EFCAB6: variants seen among roughly 807,000 people sequenced by gnomAD.
EFCAB6 encodes the protein EF-hand calcium-binding domain-containing protein 6.
In EFCAB6, 156 loss-of-function variants were observed where a neutral mutation model predicts 169.8. The ratio of observed to expected loss-of-function variants is 0.92; its 90% CI spans 0.81 to 1.05. EFCAB6 has a LOEUF of 1.05. EFCAB6 is among the 50% of genes least tolerant of loss of function. EFCAB6 has a pLI of 0.00. For synonymous variants in EFCAB6, 698 were observed against 676.4 expected, an observed-to-expected ratio of 1.03 and a Z score of -0.50; for missense variants, 1,800 against 1,829.1, an observed-to-expected ratio of 0.98 and a Z score of 0.29.
intron 8 of EFCAB6, among the ~76,000 whole-genome samples, chr22:43,720,404 C>T (rs185203824): frequency 5.1e-4 from 78 of 151,518 alleles, no homozygotes; most frequent in African/African-American, 1.8e-3. Flanking sequence ...CCAAGCTACT[C>T]GGGAGGCTGA....
At chr22:43,643,968 C>T (rs137743) in intron 17 of EFCAB6, among the ~76,000 whole-genome samples, 16,680 of 151,876 alleles carry the variant, frequency 0.11, 973 homozygotes, top group Admixed American at 0.13. Flanking sequence ...GGACTACAGG[C>T]GCCCACCATG....
At chr22:43,764,197 T>C (rs2147921204) in intron 5 of EFCAB6, among the ~76,000 whole-genome samples, 1 of 152,266 alleles carries the variant, frequency 6.6e-6, no homozygotes, top group South Asian at 2.1e-4. Context: ...TTTCAGCCCT[T>C]GCCCCCATCC....
chr22:43,642,207 C>A (rs2055851886), intron 17 of EFCAB6, among the ~76,000 whole-genome samples: 1 of 152,198 alleles, frequency 6.6e-6, no homozygotes, highest in African/African-American at 2.4e-5. Context: ...TCCCAAAGTG[C>A]TGGGATTACA....
intron 27 of EFCAB6, among the ~76,000 whole-genome samples, chr22:43,541,140 G>A (rs1487240370): frequency 6.6e-6 from 1 of 152,210 alleles, no homozygotes; most frequent in Non-Finnish European, 1.5e-5. Context: ...CCTCCAGAGA[G>A]GCGAGGGGAG....
At chr22:43,534,292 G>T (rs1172008415) in intron 30 of EFCAB6, among the ~76,000 whole-genome samples, 1 of 152,190 alleles carries the variant, frequency 6.6e-6, no homozygotes, top group African/African-American at 2.4e-5. Context: ...CTGGCACCAT[G>T]TAAGACGTGC....
At position 43,675,854 on chromosome 22, in the gene EFCAB6, G is replaced by T. The variant is rs533234265; in HGVS notation, c.1419+2142C>A. On this transcript the variant is annotated intron_variant, in intron 13 of 31. Coordinates refer to ENST00000262726, the MANE Select transcript of EFCAB6 (RefSeq NM_022785.4). ...TATATATATCCAGCAACATAAAAATGCCCACATGTTTTGGGCCAGTATTTC... is the reference window on the plus strand; with the variant it reads ...TATATATATCCAGCAACATAAAAATTCCCACATGTTTTGGGCCAGTATTTC... Among the ~76,000 whole-genome samples the T allele has an allele frequency of 1.9e-4, 29 of 150,738 alleles. 2 individuals are homozygous for T. The highest frequency in any genetic ancestry group is 6.8e-4 in the African/African-American group (28 of 41,084).
intron 5 of EFCAB6, chr22:43,759,830 C>T (rs2061090920): frequency 6.6e-6 from 1 of 152,150 alleles, no homozygotes; most frequent in Non-Finnish European, 1.5e-5. Context: ...CTGGCAAGGC[C>T]AGGACAGAAG....
intron 6 of EFCAB6, among the ~76,000 whole-genome samples, chr22:43,743,189 A>G (rs2060436087): frequency 6.6e-6 from 1 of 152,268 alleles, no homozygotes; most frequent in Non-Finnish European, 1.5e-5. Context: ...AGAATTATAA[A>G]TGTTACTAGA....
intron 26 of EFCAB6, among the ~76,000 whole-genome samples, chr22:43,567,095 A>G (rs1374740141): frequency 6.6e-6 from 1 of 151,888 alleles, no homozygotes. Flanking sequence ...TCCCCCACTC[A>G]GAGTTAGGTC....
intron 12 of EFCAB6, among the ~76,000 whole-genome samples, chr22:43,680,505 T>A (rs1384281646): frequency 6.6e-6 from 1 of 151,692 alleles, no homozygotes; most frequent in Non-Finnish European, 1.5e-5. Flanking sequence ...CCAGCTGGGA[T>A]GTTGATAGGG....
chr22:43,809,453 A>C (rs527508399), intron 1 of EFCAB6, among the ~76,000 whole-genome samples: 9 of 149,588 alleles, frequency 6.0e-5, no homozygotes, highest in African/African-American at 2.3e-4. Context: ...TAGAGTATAT[A>C]AGTGTTTGAG....
intron 2 of EFCAB6, among the ~76,000 whole-genome samples, chr22:43,796,525 A>G (rs971788989): frequency 6.6e-6 from 1 of 152,186 alleles, no homozygotes; most frequent in Non-Finnish European, 1.5e-5. Context: ...CCTCATGAAT[A>G]TCATCAGACC....
At chr22:43,730,218 A>C (rs1432076166) in intron 8 of EFCAB6, among the ~76,000 whole-genome samples, 1 of 1,788 alleles carries the variant, frequency 5.6e-4, no homozygotes, top group Admixed American at 9.4e-3. Context: ...AGAGGAGAGG[A>C]AAAGGAGGGC....
intron 15 of EFCAB6, among the ~76,000 whole-genome samples, chr22:43,671,063 G>C (rs1224991368): frequency 6.6e-6 from 1 of 152,236 alleles, no homozygotes; most frequent in African/African-American, 2.4e-5. Context: ...TTCAACCCAG[G>C]CAGCCCAGCT....
At chr22:43,671,681 C>G (rs1038708898) in intron 15 of EFCAB6, among the ~76,000 whole-genome samples, 18 of 152,192 alleles carry the variant, frequency 1.2e-4, no homozygotes, top group Non-Finnish European at 2.2e-4. Flanking sequence ...TCAGGCCTCA[C>G]AACTCACCAG....
chr22:43,776,150 A>G (rs2061632908), intron 3 of EFCAB6, among the ~76,000 whole-genome samples: 1 of 152,256 alleles, frequency 6.6e-6, no homozygotes, highest in Admixed American at 6.5e-5. Context: ...AGTTGAATAC[A>G]TGCTCTGGAG....
At chr22:43,696,670 A>G (rs1387985887) in intron 10 of EFCAB6, among the ~76,000 whole-genome samples, 1 of 152,208 alleles carries the variant, frequency 6.6e-6, no homozygotes, top group African/African-American at 2.4e-5. Context: ...TCTTTAAAAC[A>G]TGGTAAGTCA....
At chr22:43,785,427 A>T (rs2062041615) in intron 2 of EFCAB6, among the ~76,000 whole-genome samples, 1 of 152,218 alleles carries the variant, frequency 6.6e-6, no homozygotes, top group South Asian at 2.1e-4. Flanking sequence ...TCAAAAAAAA[A>T]ATCAAAAGAG....
intron 30 of EFCAB6, among the ~76,000 whole-genome samples, chr22:43,532,862 G>A (rs61223989): frequency 0.041 from 6,265 of 152,330 alleles, 132 homozygotes; most frequent in African/African-American, 0.05. Flanking sequence ...CTTTCAGCCC[G>A]ACACTTCTGG....
Sources: gnomAD v4.1 joint callset for allele counts (sites outside exome capture counted in the v4.1 genomes callset) on GRCh38, gnomAD v4.1.1 for gene constraint, MANE v1.5 for transcripts, NCBI Gene and HGNC (gene_info 2026-07-23, HGNC 2026-07-21) for gene names.